CELF2: variants seen among roughly 807,000 people sequenced by gnomAD.
The protein encoded by CELF2 is CUGBP Elav-like family member 2.
In CELF2, 8 loss-of-function variants were observed where a neutral mutation model predicts 62.6. The ratio of observed to expected loss-of-function variants is 0.13; its 90% CI spans 0.07 to 0.23. The LOEUF (loss-of-function observed/expected upper bound fraction) is 0.23. Ranked by LOEUF, CELF2 falls within the 10% of genes least tolerant of loss-of-function variation. The pLI, the probability that CELF2 is intolerant of heterozygous loss-of-function variation, is 1.00. For missense variants in CELF2, 333 were observed against 671.0 expected (o/e 0.50, Z 5.56); for synonymous variants, 258 against 250.0 (o/e 1.03, Z -0.30).
chr10:10,680,513 C>T, the CELF2 span, among the ~76,000 whole-genome samples: 2 of 152,194 alleles, frequency 1.3e-5, no homozygotes, highest in Admixed American at 6.5e-5. Flanking sequence ...TGATGTATGA[C>T]AATTTGTATG....
At chr10:10,541,687 G>T in the CELF2 span, among the ~76,000 whole-genome samples, 1 of 152,190 alleles carries the variant, frequency 6.6e-6, no homozygotes, top group Non-Finnish European at 1.5e-5. Flanking sequence ...ATTATAATTA[G>T]TGTATAATGA....
chr10:11,073,064 T>C (rs912233125), intron 1 of CELF2, among the ~76,000 whole-genome samples: 1 of 152,138 alleles, frequency 6.6e-6, no homozygotes, highest in African/African-American at 2.4e-5. Flanking sequence ...AATACAATTA[T>C]GATAAATATA....
intron 1 of CELF2, among the ~76,000 whole-genome samples, chr10:10,892,829 A>G (rs1415730258): frequency 2.6e-5 from 4 of 152,250 alleles, no homozygotes; most frequent in African/African-American, 9.6e-5. Context: ...GAGAAAGCAC[A>G]CAGAGATGAT....
chr10:10,865,682 T>A (rs1209953566), intron 1 of CELF2, among the ~76,000 whole-genome samples: 1 of 152,226 alleles, frequency 6.6e-6, no homozygotes, highest in Non-Finnish European at 1.5e-5. Context: ...GTTGAAATCC[T>A]CTGAGGATTA....
At chr10:10,930,673 CA>C (rs1231135329) in intron 2 of CELF2, among the ~76,000 whole-genome samples, 2 of 152,146 alleles carry the variant, frequency 1.3e-5, no homozygotes, top group African/African-American at 4.8e-5. Flanking sequence ...ACGTAAGATA[CA>C]ATTTTGCAGT....
upstream of CELF2, among the ~76,000 whole-genome samples, chr10:10,796,168 C>T (rs1268121989): frequency 2.0e-5 from 3 of 152,124 alleles, no homozygotes; most frequent in Non-Finnish European, 4.4e-5. Flanking sequence ...AAGTTCAGTG[C>T]CCTGAGAGCT....
At chr10:11,136,968 A>C (rs1260147120) in intron 1 of CELF2, among the ~76,000 whole-genome samples, 3 of 152,246 alleles carry the variant, frequency 2.0e-5, no homozygotes, top group Non-Finnish European at 4.4e-5. Flanking sequence ...ATTACTTAGA[A>C]ATATATTCAG....
intron 2 of CELF2, chr10:10,925,200 T>G (rs2065347626): frequency 6.6e-6 from 1 of 152,128 alleles, no homozygotes; most frequent in Non-Finnish European, 1.5e-5. Context: ...TTTCGAAAAT[T>G]AAGAGATAAA....
chr10:10,489,425 G>A, the CELF2 span, among the ~76,000 whole-genome samples: 4 of 152,016 alleles, frequency 2.6e-5, no homozygotes, highest in South Asian at 2.1e-4. Flanking sequence ...TGTCAGCTCC[G>A]TCTAGTACTG....
chr10:10,848,692 CT>C (rs1271117684), intron 1 of CELF2, among the ~76,000 whole-genome samples: 1 of 152,148 alleles, frequency 6.6e-6, no homozygotes, highest in Non-Finnish European at 1.5e-5. Flanking sequence ...GGCCCTGGAT[CT>C]TTCTCCTAGG....
intron 1 of CELF2, among the ~76,000 whole-genome samples, chr10:11,025,607 A>G (rs938483939): frequency 6.6e-6 from 1 of 152,100 alleles, no homozygotes; most frequent in African/African-American, 2.4e-5. Flanking sequence ...TTTATAAATT[A>G]CCCAGTCTCA....
At chr10:10,799,087 G>A (rs2054370281) in intron 1 of CELF2, among the ~76,000 whole-genome samples, 1 of 152,186 alleles carries the variant, frequency 6.6e-6, no homozygotes, top group Admixed American at 6.5e-5. Flanking sequence ...GACACCAGCT[G>A]ACTCGCTGGA....
chr10:11,228,466 G>T (rs550126816), intron 3 of CELF2, among the ~76,000 whole-genome samples: 11 of 152,254 alleles, frequency 7.2e-5, no homozygotes, highest in African/African-American at 2.6e-4. Context: ...ACATCAGTGA[G>T]TATCTTTTAT....
the CELF2 span, among the ~76,000 whole-genome samples, chr10:10,693,532 A>T: frequency 6.6e-6 from 1 of 151,612 alleles, no homozygotes; most frequent in East Asian, 1.9e-4. Context: ...TCATAAAATG[A>T]GTTAGGGAGG....
At chr10:11,030,412 G>A (rs2059908223) in intron 1 of CELF2, 1 of 152,250 alleles carries the variant, frequency 6.6e-6, no homozygotes, top group African/African-American at 2.4e-5. Flanking sequence ...TTGCACCTGT[G>A]TTTCTCATTT....
chr10:10,479,333 T>A, the CELF2 span, among the ~76,000 whole-genome samples: 1 of 152,040 alleles, frequency 6.6e-6, no homozygotes, highest in East Asian at 1.9e-4. Flanking sequence ...CGTGCCCGGA[T>A]AATTTTTGTA....
intron 1 of CELF2, among the ~76,000 whole-genome samples, chr10:10,861,148 A>C (rs139353868): frequency 7.9e-4 from 120 of 152,196 alleles, no homozygotes; most frequent in African/African-American, 2.6e-3. Flanking sequence ...GGAGTAGCAC[A>C]ATCTCAGCTC....
At chr10:10,755,914 G>C in the CELF2 span, among the ~76,000 whole-genome samples, 2 of 152,092 alleles carry the variant, frequency 1.3e-5, no homozygotes, top group African/African-American at 4.8e-5. Flanking sequence ...TTTTTTACCC[G>C]AATAGAGTCA....
chr10:10,716,812 G>A, the CELF2 span, among the ~76,000 whole-genome samples: 38 of 152,102 alleles, frequency 2.5e-4, no homozygotes, highest in African/African-American at 8.7e-4. Context: ...CAACACTTTC[G>A]CTGCAACATT....
Sources: allele counts gnomAD v4.1 joint callset (sites outside exome capture counted in the v4.1 genomes callset), GRCh38; gene constraint gnomAD v4.1.1; transcripts MANE v1.5; gene names NCBI Gene and HGNC (gene_info 2026-07-23, HGNC 2026-07-21).